Variants in DGKG observed in about 807,000 individuals in gnomAD.
The protein encoded by DGKG is diacylglycerol kinase gamma, also known as DAG kinase gamma.
In DGKG, 78 loss-of-function variants were observed where a neutral mutation model predicts 105.3. The ratio of observed to expected loss-of-function variants is 0.74; its 90% confidence interval spans 0.62 to 0.89. The LOEUF (loss-of-function observed/expected upper bound fraction) is 0.89, where lower values mean the gene tolerates loss of function less well. Among genes scored for constraint, DGKG ranks in the 40% least tolerant of loss-of-function variants. DGKG has a pLI of 0.00. For synonymous variants in DGKG, 346 were observed against 367.1 expected (o/e 0.94, Z 0.66); for missense variants, 958 against 1,020.1 (o/e 0.94, Z 0.83).
intron 10 of DGKG, among the ~76,000 whole-genome samples, chr3:186,273,500 G>A (rs533160076): frequency 1.4e-5 from 2 of 146,178 alleles, no homozygotes; most frequent in Non-Finnish European, 3.0e-5. Flanking sequence ...TCAGCCTCCC[G>A]AGTAGCTGGG....
intron 19 of DGKG, among the ~76,000 whole-genome samples, chr3:186,246,211 A>G (rs1357213715): frequency 6.6e-6 from 1 of 152,184 alleles, no homozygotes; most frequent in Non-Finnish European, 1.5e-5. Context: ...ACCTCAGGTG[A>G]TCCACCCACC....
Position 186,149,662 on chromosome 3 carries a change from C to T in DGKG, c.*428G>A, listed in dbSNP as rs111419195. 15 of 990,060 alleles carry T rather than the reference C, an allele frequency of 1.5e-5. No homozygotes were observed. The African/African-American group carries it at 2.1e-4, about 14-fold the overall frequency. 61.3% of individuals were successfully genotyped at this position (990,060 alleles called of 1,614,324 possible). A position where few individuals can be genotyped will look rare whatever the true frequency, so the allele number is the denominator to read the frequency against. ...TGCAAATTCTCTGGAACCAGAGCTC[C>T]TTCCCTTGGCCACATCTGATCTCAC... On this transcript the variant is annotated 3_prime_UTR_variant, in exon 25 of 25. Coordinates refer to ENST00000265022, the MANE Select transcript of DGKG (RefSeq NM_001346.3).
At chr3:186,204,684 A>G (rs1160547949) in intron 21 of DGKG, among the ~76,000 whole-genome samples, 1 of 152,136 alleles carries the variant, frequency 6.6e-6, no homozygotes, top group Admixed American at 6.5e-5. Context: ...AAGTGTTAGA[A>G]TAACATAGTC....
intron 22 of DGKG, among the ~76,000 whole-genome samples, chr3:186,175,548 T>C (rs1299897074): frequency 6.6e-6 from 1 of 152,124 alleles, no homozygotes; most frequent in East Asian, 1.9e-4. Context: ...TGGTGGGGAA[T>C]GTCCCAGTGG....
At chr3:186,292,220 T>C (rs1450407501) in intron 5 of DGKG, among the ~76,000 whole-genome samples, 1 of 152,184 alleles carries the variant, frequency 6.6e-6, no homozygotes, top group Non-Finnish European at 1.5e-5. Context: ...GGTATCTGTG[T>C]TACTTGTTCC....
intron 20 of DGKG, among the ~76,000 whole-genome samples, chr3:186,232,974 T>C (rs1334100653): frequency 2.0e-5 from 3 of 152,200 alleles, no homozygotes; most frequent in Admixed American, 6.5e-5. Context: ...GACTCTGTAA[T>C]AGACACTTTA....
Position 186,298,238 on chromosome 3 carries a change from G to A in DGKG, c.145-9C>T, listed in dbSNP as rs1244344050. On this transcript the variant is annotated splice_polypyrimidine_tract_variant and intron_variant, in intron 3 of 24. Coordinates refer to ENST00000265022, the MANE Select transcript of DGKG (RefSeq NM_001346.3). ...ACATCATAGCTAATCGGCTGAGAAG[G>A]GGCAAAAGGGCAAAGTCAGTGGAGA... 1.3e-6 allele frequency: 2 copies of A among 1,578,652 alleles called. No homozygotes were observed. The highest frequency in any genetic ancestry group is 1.7e-6 in the Non-Finnish European group (2 of 1,162,414).
At chr3:186,276,542 C>T (rs1182539106) in intron 9 of DGKG, among the ~76,000 whole-genome samples, 1 of 152,196 alleles carries the variant, frequency 6.6e-6, no homozygotes, top group Non-Finnish European at 1.5e-5. Context: ...CTCCTATCAA[C>T]TTTCGGTACG....
chr3:186,280,681 CTG>C lies in DGKG; in HGVS notation c.656_657del (p.Thr219ArgfsTer44), dbSNP rs776367380. 1 of 1,614,030 alleles carries C rather than the reference CTG, an allele frequency of 6.2e-7. No individual in the cohort carries two copies. Among genetic ancestry groups the C allele is most frequent in the Admixed American group, 1.7e-5 (1 of 60,030 alleles). The stretch of plus-strand genomic sequence containing the variant: ...TTATAGAAACTCACAGGCCTCAGCT[CTG>C]TGGGATCCCACTCCAGGTACTGGGC... ...HIAQYLEWDP[T>X]ELRPILKEML... is the part of the protein sequence containing the mutation. On this transcript the variant is annotated frameshift_variant, in exon 8 of 25. Transcript: ENST00000265022. LOFTEE classifies it high-confidence loss of function.
At chr3:186,198,233 CA>C (rs958093278) in intron 21 of DGKG, among the ~76,000 whole-genome samples, 2 of 152,140 alleles carry the variant, frequency 1.3e-5, no homozygotes, top group Admixed American at 1.3e-4. Context: ...ATATAGTGAA[CA>C]AATAAAGTGG....
intron 2 of DGKG, among the ~76,000 whole-genome samples, chr3:186,309,181 C>T (rs906025273): frequency 6.6e-6 from 1 of 152,022 alleles, no homozygotes; most frequent in Admixed American, 6.5e-5. Context: ...GGAACTGAGG[C>T]TGCCCTATAA....
intron 13 of DGKG, 133 bp downstream of exon 13, chr3:186,267,552 A>AG (rs1456498466): frequency 1.1e-5 from 8 of 711,608 alleles, no homozygotes; most frequent in African/African-American, 1.8e-5. Flanking sequence ...CAGTAAAAAA[A>AG]GAAAGAAAAG....
chr3:186,257,672 G>T, intron 17 of DGKG, 182 bp downstream of exon 17: 1 of 559,066 alleles, frequency 1.8e-6, no homozygotes, highest in Non-Finnish European at 3.2e-6. Flanking sequence ...TCATTCGATT[G>T]TCTTATTTCT....
intron 7 of DGKG, among the ~76,000 whole-genome samples, chr3:186,282,932 C>T (rs145112116): frequency 3.3e-5 from 5 of 151,020 alleles, no homozygotes; most frequent in Admixed American, 1.3e-4. Flanking sequence ...TTTTTTGAGA[C>T]GGAGTCTCCC....
rs1324380729 is a variant in DGKG at position 186,226,711 on chromosome 3, G to A, written c.1827-14826C>T. On this transcript the variant is annotated intron_variant, in intron 20 of 24. Transcript: ENST00000265022. The surrounding 1 kb of genome is among the most constrained non-coding windows in gnomAD (Gnocchi z 4.2). ...GGTAGGGTACTTGGCTTGATTGGCA[G>A]TTTGGAATGCTCTCCAAAAAGGCCC... Among the ~76,000 whole-genome samples the A allele has an allele frequency of 6.6e-6, 1 of 152,208 alleles. No individual in the cohort carries two copies. The highest frequency in any genetic ancestry group is 1.5e-5 in the Non-Finnish European group (1 of 68,042).
At position 186,275,682 on chromosome 3, in the gene DGKG, G is replaced by A. The variant is rs1475012391; in HGVS notation, c.793-18C>T. The A allele has an allele frequency of 1.3e-6, 2 of 1,597,612 alleles. No homozygotes were observed. Among genetic ancestry groups the A allele is most frequent in the African/African-American group, 2.7e-5 (2 of 74,590 alleles). On this transcript the variant is annotated intron_variant, in intron 9 of 24. Coordinates refer to ENST00000265022, the MANE Select transcript of DGKG (RefSeq NM_001346.3). ...TTGGAGCCCTGCAGGGGTAATAGGA[G>A]GTGAGACCCCAAGCTGGCTGCCCTG...
rs776788995 is a variant in DGKG, at chr3:186,188,397, A to G, written c.1918-18T>C. 14 of 1,612,768 alleles carry G rather than the reference A, an allele frequency of 8.7e-6. No individual in the cohort carries two copies. The highest frequency in any genetic ancestry group is 8.5e-7 in the Non-Finnish European group (1 of 1,179,638). On this transcript the variant is annotated intron_variant, in intron 21 of 24. Transcript: ENST00000265022. ...CCATCACACTGGAGGACGGAGAGAA[A>G]AGGCCATCTGTTAGTGTCCTCAGTG...
intron 1 of DGKG, among the ~76,000 whole-genome samples, chr3:186,325,814 G>C (rs1013637829): frequency 6.6e-6 from 1 of 151,766 alleles, no homozygotes; most frequent in Non-Finnish European, 1.5e-5. Context: ...TGCTATCTTC[G>C]ACTCTCAGAT....
chr3:186,155,513 G>A (rs1578597784), intron 24 of DGKG, among the ~76,000 whole-genome samples: 1 of 152,200 alleles, frequency 6.6e-6, no homozygotes, highest in East Asian at 1.9e-4. Flanking sequence ...CTAAATGTTG[G>A]GCATTTTAAG....
Sources: gnomAD v4.1 joint callset for allele counts (sites outside exome capture counted in the v4.1 genomes callset) on GRCh38, gnomAD v4.1.1 for gene constraint, Gnocchi (gnomAD v3.1) non-coding constraint, MANE v1.5 for transcripts, NCBI Gene and HGNC (gene_info 2026-07-23, HGNC 2026-07-21) for gene names.